ZFP64: variants seen among roughly 807,000 people sequenced by gnomAD.
The protein encoded by ZFP64 is ZFP64 zinc finger protein, also known as zinc finger protein 64.
ZFP64 carries 14 observed loss-of-function variants against 51.6 expected under a neutral mutation model. That is an observed-to-expected ratio of 0.27 (90% CI 0.18 to 0.42). ZFP64 has a LOEUF of 0.42. Ranked by LOEUF, ZFP64 falls within the 10% of genes least tolerant of loss-of-function variation. The pLI is 1.00. For synonymous variants in ZFP64, 375 were observed against 361.4 expected (o/e 1.04, Z -0.43); for missense variants, 754 against 906.8 (o/e 0.83, Z 2.16).
At chr20:52,130,040 C>T (rs1051643512) in intron 5 of ZFP64, among the ~76,000 whole-genome samples, 2 of 152,094 alleles carry the variant, frequency 1.3e-5, no homozygotes, top group Admixed American at 6.6e-5. Context: ...CTGTTCCTCT[C>T]GAGATCCACA....
intron 5 of ZFP64, among the ~76,000 whole-genome samples, chr20:52,110,094 A>C (rs1292335549): frequency 6.6e-6 from 1 of 152,144 alleles, no homozygotes; most frequent in Non-Finnish European, 1.5e-5. Flanking sequence ...TCTTCTCTAT[A>C]GCACCAATTC....
At chr20:52,148,692 C>CT (rs1379945620), downstream of ZFP64, among the ~76,000 whole-genome samples, 2 of 143,636 alleles carry the variant, frequency 1.4e-5, no homozygotes, top group African/African-American at 5.1e-5. Flanking sequence ...CAGCCAGACT[C>CT]TGTCTCAAAA....
intron 5 of ZFP64, among the ~76,000 whole-genome samples, chr20:52,103,230 A>G (rs78189659): frequency 0.02 from 3,106 of 152,304 alleles, 99 homozygotes; most frequent in African/African-American, 0.07. Context: ...AGGTTCCTCC[A>G]GCCCCTTCGT....
At chr20:52,112,295 C>T (rs1978636612) in intron 5 of ZFP64, among the ~76,000 whole-genome samples, 1 of 152,046 alleles carries the variant, frequency 6.6e-6, no homozygotes, top group Non-Finnish European at 1.5e-5. Context: ...TAAGTATTAA[C>T]AGTTATTTAT....
chr20:52,093,340 A>G (rs2078949522), intron 7 of ZFP64, among the ~76,000 whole-genome samples: 1 of 152,082 alleles, frequency 6.6e-6, no homozygotes, highest in Non-Finnish European at 1.5e-5. Flanking sequence ...GGGTTTCACC[A>G]TGTTGGCCAG....
chr20:52,166,668 C>T (rs970639816), intron 2 of ZFP64, among the ~76,000 whole-genome samples: 1 of 152,046 alleles, frequency 6.6e-6, no homozygotes, highest in African/African-American at 2.4e-5. Flanking sequence ...GCTGCGCGGG[C>T]TGGTCTCAAA....
chr20:52,097,189 C>A, intron 7 of ZFP64: 1 of 812,398 alleles, frequency 1.2e-6, no homozygotes, highest in Non-Finnish European at 2.2e-6. Context: ...GTAGCTCATC[C>A]TGGGAATCAC....
chr20:52,186,807 C>T (rs749508613), intron 2 of ZFP64, 25 bp downstream of exon 2: 146 of 1,582,500 alleles, frequency 9.2e-5, no homozygotes, highest in Middle Eastern at 3.4e-4. Context: ...CAATTCTGGC[C>T]GACTCCCCCA....
intron 7 of ZFP64, among the ~76,000 whole-genome samples, chr20:52,094,961 C>A (rs2078972671): frequency 6.6e-6 from 1 of 152,200 alleles, no homozygotes; most frequent in Non-Finnish European, 1.5e-5. Context: ...GGGAATAAGA[C>A]AGATGGTTTG....
At chr20:52,116,414 G>A (rs1229314257) in intron 5 of ZFP64, among the ~76,000 whole-genome samples, 1 of 151,270 alleles carries the variant, frequency 6.6e-6, no homozygotes, top group African/African-American at 2.4e-5. Context: ...GGGATTACAG[G>A]CGTGAGCCAC....
chr20:52,111,197 ATTTTTTTTTTTTT>A (rs771671628), intron 5 of ZFP64: 10 of 468,298 alleles, frequency 2.1e-5, no homozygotes, highest in Non-Finnish European at 3.3e-5. Context: ...TCAGCGGTCA[ATTTTTTTTTTTTT>A]TTTTTTTTTT....
intron 5 of ZFP64, among the ~76,000 whole-genome samples, chr20:52,102,510 G>A (rs929151247): frequency 6.6e-6 from 1 of 152,142 alleles, no homozygotes; most frequent in African/African-American, 2.4e-5. Context: ...TGCCAGATCT[G>A]CAACCCATCC....
intron 2 of ZFP64, among the ~76,000 whole-genome samples, chr20:52,179,165 G>A (rs1312459336): frequency 2.0e-5 from 3 of 152,222 alleles, no homozygotes; most frequent in East Asian, 3.9e-4. Context: ...TTTAAAAAGG[G>A]GGGTGTCCCT....
chr20:52,153,302 G>A lies in ZFP64; in HGVS notation c.890C>T (p.Thr297Ile). ...GTGCGACTTGAGGTTCCCCTTCATG[G>A]TGCAGCGGACATTGCAGAACTCGCA... Reference protein sequence around the residue: ...FKCEFCNVRCTMKGNLKSHIR... With the variant: ...FKCEFCNVRCIMKGNLKSHIR... The change falls in exon 6 of 6, where the codon ACC becomes ATC. Residue 297 changes from threonine (T) to isoleucine (I), a missense_variant. Physicochemically the swap from Thr to Ile is moderately conservative, Grantham distance 89. This residue lies in a region of ZFP64 where 231 missense variants were observed against 336.7 expected (regional missense o/e 0.69). Transcript: ENST00000216923. This position sits in a 1 kb window ranked among gnomAD's most constrained non-coding sequence, Gnocchi z 5.1. 6.2e-7 allele frequency: 1 copy of A among 1,614,196 alleles called. No homozygotes were observed. Among genetic ancestry groups the A allele is most frequent in the Non-Finnish European group, 8.5e-7 (1 of 1,180,040 alleles).
intron 8 of ZFP64, among the ~76,000 whole-genome samples, chr20:52,086,788 G>A (rs1483001620): frequency 2.0e-5 from 3 of 152,004 alleles, no homozygotes; most frequent in East Asian, 1.9e-4. Context: ...CTTTCACAAG[G>A]AATTTTTAAA....
chr20:52,113,287 A>T (rs1568953377), intron 5 of ZFP64, among the ~76,000 whole-genome samples: 1 of 151,882 alleles, frequency 6.6e-6, no homozygotes, highest in Non-Finnish European at 1.5e-5. Context: ...TGAGCCGCGA[A>T]TGCGCCACTG....
chr20:52,129,836 CTG>C (rs1414694583), intron 5 of ZFP64, among the ~76,000 whole-genome samples: 3 of 152,238 alleles, frequency 2.0e-5, no homozygotes, highest in African/African-American at 7.2e-5. Flanking sequence ...CCTGCCTGCC[CTG>C]TGTCACCACC....
At chr20:52,108,393 A>C (rs1978369358) in intron 5 of ZFP64, among the ~76,000 whole-genome samples, 1 of 152,250 alleles carries the variant, frequency 6.6e-6, no homozygotes, top group South Asian at 2.1e-4. Context: ...TGAAAATGAT[A>C]AATGTGTTCC....
chr20:52,174,988 C>T (rs947648309), intron 2 of ZFP64, among the ~76,000 whole-genome samples: 2 of 152,166 alleles, frequency 1.3e-5, no homozygotes, highest in Admixed American at 1.3e-4. Context: ...TCCCTTTCAA[C>T]ATTTATTTTT....
Sources: allele counts gnomAD v4.1 joint callset (sites outside exome capture counted in the v4.1 genomes callset), GRCh38; gene constraint gnomAD v4.1.1; regional missense constraint gnomAD v4.1.1; non-coding constraint Gnocchi (gnomAD v3.1); transcripts MANE v1.5; gene names NCBI Gene and HGNC (gene_info 2026-07-23, HGNC 2026-07-21).